AFG1L: variants seen among roughly 807,000 people sequenced by gnomAD.
The protein encoded by AFG1L is AFG1-like ATPase.
Under a neutral mutation model 62.2 loss-of-function variants are expected in AFG1L, and 53 were observed. The ratio of observed to expected loss-of-function variants is 0.85; its 90% CI spans 0.68 to 1.07. The LOEUF is 1.07. Ranked by LOEUF, AFG1L falls within the 50% of genes least tolerant of loss-of-function variation. AFG1L has a pLI of 0.00. For missense variants in AFG1L, 555 were observed against 590.5 expected, an observed-to-expected ratio of 0.94 and a Z score of 0.62; for synonymous variants, 228 against 210.3, an observed-to-expected ratio of 1.08 and a Z score of -0.73.
intron 1 of AFG1L, among the ~76,000 whole-genome samples, chr6:108,310,720 G>T (rs1390788942): frequency 6.6e-6 from 1 of 151,784 alleles, no homozygotes; most frequent in East Asian, 1.9e-4. Flanking sequence ...GAGTACAGGC[G>T]TGTGCCACCA....
At chr6:108,495,963 C>G (rs927854639) in intron 10 of AFG1L, among the ~76,000 whole-genome samples, 1 of 152,118 alleles carries the variant, frequency 6.6e-6, no homozygotes, top group African/African-American at 2.4e-5. Flanking sequence ...GAAGAATCAG[C>G]CTTAGATAAT....
chr6:108,479,389 A>G (rs1462606492), intron 10 of AFG1L, among the ~76,000 whole-genome samples: 4 of 151,998 alleles, frequency 2.6e-5, no homozygotes, highest in Non-Finnish European at 4.4e-5. Context: ...GTGAGTTTGC[A>G]TGGACAGGTT....
At chr6:108,413,830 T>C (rs1782227398) in intron 7 of AFG1L, among the ~76,000 whole-genome samples, 1 of 151,828 alleles carries the variant, frequency 6.6e-6, no homozygotes, top group African/African-American at 2.4e-5. Context: ...AGATCTAAAA[T>C]TGACACCCTA....
intron 6 of AFG1L, among the ~76,000 whole-genome samples, chr6:108,378,990 TCTC>T (rs1780377119): frequency 3.4e-5 from 5 of 149,130 alleles, no homozygotes; most frequent in African/African-American, 9.9e-5. Context: ...CTCTTCTCCT[TCTC>T]CTTCTTCTTT....
intron 10 of AFG1L, among the ~76,000 whole-genome samples, chr6:108,478,298 G>A (rs566385521): frequency 2.2e-3 from 332 of 152,204 alleles, no homozygotes; most frequent in African/African-American, 7.7e-3. Context: ...TTAGCCGGGC[G>A]TTGTGGCGGG....
At chr6:108,463,492 G>C (rs1018607107) in intron 8 of AFG1L, among the ~76,000 whole-genome samples, 2 of 150,026 alleles carry the variant, frequency 1.3e-5, no homozygotes, top group African/African-American at 2.5e-5. Context: ...TATCTACCAA[G>C]TTGCAATTCT....
intron 7 of AFG1L, among the ~76,000 whole-genome samples, chr6:108,411,515 C>T (rs144062533): frequency 0.047 from 7,211 of 152,244 alleles, 267 homozygotes; most frequent in South Asian, 0.18. Flanking sequence ...CAGTAGGGCC[C>T]GACTGACACC....
intron 1 of AFG1L, among the ~76,000 whole-genome samples, chr6:108,304,159 G>A (rs1777116835): frequency 6.6e-6 from 1 of 152,066 alleles, no homozygotes; most frequent in Admixed American, 6.6e-5. Context: ...CCCTAACTAA[G>A]CCTTTTATAA....
At chr6:108,488,294 T>G (rs1298296404) in intron 10 of AFG1L, among the ~76,000 whole-genome samples, 3 of 152,124 alleles carry the variant, frequency 2.0e-5, no homozygotes, top group African/African-American at 7.2e-5. Flanking sequence ...GGAGTCTTAA[T>G]TTAGAAGAGA....
chr6:108,480,793 A>G (rs1010923967), intron 10 of AFG1L, among the ~76,000 whole-genome samples: 1 of 152,026 alleles, frequency 6.6e-6, no homozygotes, highest in Non-Finnish European at 1.5e-5. Context: ...CTCTGTCTCA[A>G]TAAATAAATA....
chr6:108,413,448 A>G (rs1265726041), intron 7 of AFG1L, among the ~76,000 whole-genome samples: 4 of 152,194 alleles, frequency 2.6e-5, no homozygotes, highest in African/African-American at 7.2e-5. Context: ...CTCCACCCCA[A>G]ATCAACAGAA....
At chr6:108,426,245 T>C (rs968091602) in intron 7 of AFG1L, among the ~76,000 whole-genome samples, 2 of 152,164 alleles carry the variant, frequency 1.3e-5, no homozygotes, top group African/African-American at 4.8e-5. Flanking sequence ...AGAAAAGTTA[T>C]GCTTACCTAT....
intron 1 of AFG1L, chr6:108,319,749 C>T: frequency 2.3e-6 from 1 of 429,438 alleles, no homozygotes; most frequent in Non-Finnish European, 4.7e-6. Flanking sequence ...GCTGGGACTA[C>T]AGATGTGTGC....
At chr6:108,387,710 T>A (rs1780831670) in intron 6 of AFG1L, 1 of 152,208 alleles carries the variant, frequency 6.6e-6, no homozygotes, top group African/African-American at 2.4e-5. Flanking sequence ...TTTTTCTTTC[T>A]TGTATCAAGG....
At chr6:108,368,303 G>T (rs1779846636) in intron 6 of AFG1L, among the ~76,000 whole-genome samples, 1 of 151,562 alleles carries the variant, frequency 6.6e-6, no homozygotes, top group Non-Finnish European at 1.5e-5. Context: ...ATATTTCTAT[G>T]TCTTTAGCCA....
At chr6:108,462,623 G>T (rs1232132175) in intron 8 of AFG1L, among the ~76,000 whole-genome samples, 1 of 152,128 alleles carries the variant, frequency 6.6e-6, no homozygotes, top group Non-Finnish European at 1.5e-5. Flanking sequence ...AGTCAGTTTA[G>T]TATGCCTTTT....
intron 1 of AFG1L, among the ~76,000 whole-genome samples, chr6:108,300,471 G>A (rs1776944853): frequency 6.6e-6 from 1 of 152,058 alleles, no homozygotes; most frequent in Admixed American, 6.6e-5. Flanking sequence ...GTATTAATGT[G>A]AGTAGAACTA....
intron 6 of AFG1L, among the ~76,000 whole-genome samples, chr6:108,396,309 T>C (rs907035182): frequency 6.6e-6 from 1 of 152,192 alleles, no homozygotes; most frequent in African/African-American, 2.4e-5. Flanking sequence ...TATGTTTACA[T>C]GTATGTGTGT....
intron 2 of AFG1L, among the ~76,000 whole-genome samples, chr6:108,334,207 G>A (rs569612681): frequency 3.3e-5 from 5 of 152,162 alleles, no homozygotes; most frequent in East Asian, 3.9e-4. Context: ...GTGTTTCACC[G>A]TGTTGGCCAG....
Sources: gnomAD v4.1 joint callset for allele counts (sites outside exome capture counted in the v4.1 genomes callset) on GRCh38, gnomAD v4.1.1 for gene constraint, MANE v1.5 for transcripts, NCBI Gene and HGNC (gene_info 2026-07-23, HGNC 2026-07-21) for gene names.